The following HHAT variants were observed in gnomAD, a reference collection of about 807,000 sequenced individuals.
HHAT encodes protein-cysteine N-palmitoyltransferase HHAT.
HHAT carries 47 observed loss-of-function variants against 70.8 expected under a neutral mutation model. That is an observed-to-expected ratio of 0.66 (90% CI 0.53 to 0.85). HHAT has a LOEUF of 0.85. Ranked by LOEUF, HHAT falls within the 40% of genes least tolerant of loss-of-function variation. The pLI is 0.00. For synonymous variants in HHAT, 228 were observed against 247.6 expected (o/e 0.92, Z 0.74); for missense variants, 609 against 604.8 (o/e 1.01, Z -0.07).
chr1:210,561,877 G>C (rs976950759), intron 9 of HHAT, among the ~76,000 whole-genome samples: 1 of 152,164 alleles, frequency 6.6e-6, no homozygotes, highest in Non-Finnish European at 1.5e-5. Flanking sequence ...GGTGGGGACT[G>C]TGTCTCTGGC....
chr1:210,335,472 A>G (rs1292838915), intron 1 of HHAT, among the ~76,000 whole-genome samples: 1 of 152,198 alleles, frequency 6.6e-6, no homozygotes, highest in Non-Finnish European at 1.5e-5. Flanking sequence ...TGATAAGCAG[A>G]TTGGAAATTT....
At chr1:210,553,666 G>T (rs1282965588) in intron 9 of HHAT, among the ~76,000 whole-genome samples, 1 of 152,182 alleles carries the variant, frequency 6.6e-6, no homozygotes, top group Non-Finnish European at 1.5e-5. Flanking sequence ...GGTGTTCAGG[G>T]CTGGCTTAGA....
chr1:210,671,340 C>T (rs926849629), intron 11 of HHAT, among the ~76,000 whole-genome samples: 1 of 152,132 alleles, frequency 6.6e-6, no homozygotes, highest in Non-Finnish European at 1.5e-5. Context: ...TTGGCCGGTC[C>T]CCTGGCATCT....
intron 3 of HHAT, among the ~76,000 whole-genome samples, chr1:210,381,922 T>G (rs762786862): frequency 6.6e-6 from 1 of 152,196 alleles, no homozygotes; most frequent in Non-Finnish European, 1.5e-5. Context: ...ACTTTACATT[T>G]TAGTCTATTG....
In HHAT at chr1:210,466,146, CGCAAGGAATTGCAAGGAATTGCAATT is replaced by C. The variant is rs377112947; in HGVS notation, c.1007+1512_1007+1537del. Among the ~76,000 whole-genome samples, 1,361 of 149,782 alleles carry C rather than the reference CGCAAGGAATTGCAAGGAATTGCAATT, an allele frequency of 9.1e-3. 38 individuals carry two copies. Among genetic ancestry groups the C allele is most frequent in the African/African-American group, 0.032 (1,271 of 40,190 alleles). On this transcript the variant is annotated intron_variant, in intron 8 of 11. Transcript: ENST00000261458. ...TCGCAAGGAATGAATTGCAAGGAAT[CGCAAGGAATTGCAAGGAATTGCAATT>C]GCAAGGAATTGCAAGGAATTCAAGG...
intron 11 of HHAT, among the ~76,000 whole-genome samples, chr1:210,626,698 CT>C (rs1007088958): frequency 4.6e-5 from 7 of 152,090 alleles, no homozygotes; most frequent in African/African-American, 1.7e-4. Context: ...CATTTCATAA[CT>C]AATTTGACTT....
At chr1:210,591,430 T>C (rs374218172) in intron 10 of HHAT, among the ~76,000 whole-genome samples, 2 of 152,298 alleles carry the variant, frequency 1.3e-5, no homozygotes, top group East Asian at 3.9e-4. Context: ...ATGTACCACA[T>C]TGTCTTTATT....
At chr1:210,650,290 T>G (rs6540617) in intron 11 of HHAT, among the ~76,000 whole-genome samples, 142,630 of 152,264 alleles carry the variant, frequency 0.94, 67,300 homozygotes, top group Non-Finnish European at 1. Context: ...AGAAGTTGGT[T>G]TACAGAGCTA....
chr1:210,617,273 T>A (rs950527280), intron 10 of HHAT, among the ~76,000 whole-genome samples: 3 of 152,186 alleles, frequency 2.0e-5, no homozygotes, highest in Non-Finnish European at 4.4e-5. Flanking sequence ...AGAGTTAAGA[T>A]TAGGAAATAA....
At position 210,442,080 on chromosome 1, in the gene HHAT, T is replaced by G. The variant is rs1046629490; in HGVS notation, c.857-22425T>G. 2.8e-5 allele frequency among the ~76,000 whole-genome samples: 4 copies of G among 145,346 alleles called. No individual in the cohort carries two copies. In the Admixed American group the frequency reaches 2.8e-4, roughly 10 times the overall value. ...GTGATCTCATTGTTCAGTTCCCACC[T>G]ACGAGTGAGAATATGCAGTGTTTGG... On this transcript the variant is annotated intron_variant, in intron 7 of 11. Transcript: ENST00000261458.
chr1:210,392,907 T>A (rs11119481), intron 4 of HHAT, among the ~76,000 whole-genome samples: 2,353 of 152,270 alleles, frequency 0.015, 76 homozygotes, highest in African/African-American at 0.054. Context: ...GTTCAGCTCC[T>A]GTTTCGCACC....
chr1:210,618,533 G>C (rs959064610), intron 10 of HHAT, among the ~76,000 whole-genome samples: 2 of 152,282 alleles, frequency 1.3e-5, no homozygotes, highest in Middle Eastern at 3.4e-3. Context: ...GGTCCCACTT[G>C]CCAAGCCTTT....
chr1:210,386,106 TTAGG>T (rs747777005), intron 3 of HHAT, among the ~76,000 whole-genome samples: 34 of 152,158 alleles, frequency 2.2e-4, no homozygotes, highest in Non-Finnish European at 4.7e-4. Flanking sequence ...CCCCACAATC[TTAGG>T]TACACCAAAA....
chr1:210,334,614 G>A (rs925547456), intron 1 of HHAT, among the ~76,000 whole-genome samples: 11 of 152,046 alleles, frequency 7.2e-5, no homozygotes, highest in Non-Finnish European at 1.5e-4. Flanking sequence ...GGGTAATATG[G>A]TTGGAGAATA....
intron 11 of HHAT, among the ~76,000 whole-genome samples, chr1:210,647,610 C>G (rs931866108): frequency 2.0e-5 from 3 of 152,166 alleles, no homozygotes; most frequent in African/African-American, 7.2e-5. Flanking sequence ...TCTACCCCCA[C>G]CCCTTATCCT....
chr1:210,572,659 C>A (rs1323751066), intron 9 of HHAT, among the ~76,000 whole-genome samples: 2 of 151,974 alleles, frequency 1.3e-5, no homozygotes, highest in Admixed American at 1.3e-4. Flanking sequence ...CTTGGGAGGC[C>A]AAGGTGGGAG....
At chr1:210,426,171 A>G (rs1310596153) in intron 7 of HHAT, among the ~76,000 whole-genome samples, 2 of 152,138 alleles carry the variant, frequency 1.3e-5, no homozygotes, top group Non-Finnish European at 2.9e-5. Flanking sequence ...TAGGTATGCT[A>G]GTGATTTTTG....
At chr1:210,400,296 G>C (rs2092001366) in intron 4 of HHAT, among the ~76,000 whole-genome samples, 172 bp from the exon 5 acceptor site, 1 of 152,150 alleles carries the variant, frequency 6.6e-6, no homozygotes, top group Non-Finnish European at 1.5e-5. Flanking sequence ...TTGTTTGTCT[G>C]TGTTGTACCA....
chr1:210,443,189 G>C (rs1223227584), intron 7 of HHAT, among the ~76,000 whole-genome samples: 1 of 151,000 alleles, frequency 6.6e-6, no homozygotes, highest in Middle Eastern at 3.4e-3. Flanking sequence ...GCTCTGTTCT[G>C]TTCCATTGAT....
Sources: allele counts gnomAD v4.1 joint callset (sites outside exome capture counted in the v4.1 genomes callset), GRCh38; gene constraint gnomAD v4.1.1; transcripts MANE v1.5; gene names NCBI Gene and HGNC (gene_info 2026-07-23, HGNC 2026-07-21).